The following MCC variants were observed in gnomAD, a reference collection of about 807,000 sequenced individuals.
The protein encoded by MCC is colorectal mutant cancer protein.
Under a neutral mutation model 116.2 loss-of-function variants are expected in MCC, and 90 were observed. That is an observed-to-expected ratio of 0.77 (90% CI 0.65 to 0.92). MCC has a LOEUF of 0.92. Among genes scored for constraint, MCC ranks in the 40% least tolerant of loss-of-function variants. The probability of loss-of-function intolerance (pLI) is 0.00; values close to 1 mark genes in which losing one functional copy is unlikely to be tolerated. For missense variants in MCC, 1,516 were observed against 1,312.2 expected (o/e 1.16, Z -2.40); for synonymous variants, 578 against 510.5 (o/e 1.13, Z -1.78).
At chr5:113,473,626 A>C (rs576991917) in intron 1 of MCC, among the ~76,000 whole-genome samples, 17 of 152,364 alleles carry the variant, frequency 1.1e-4, no homozygotes, top group African/African-American at 3.6e-4. Context: ...AATTATGAGT[A>C]GTTTTTAGGT....
intron 3 of MCC, among the ~76,000 whole-genome samples, chr5:113,314,923 T>A (rs1470892629): frequency 6.6e-6 from 1 of 152,220 alleles, no homozygotes; most frequent in African/African-American, 2.4e-5. Context: ...GGGAAGTCAG[T>A]TCAAAAGTCC....
intron 11 of MCC, among the ~76,000 whole-genome samples, chr5:113,072,308 T>C (rs971129242): frequency 6.6e-6 from 1 of 152,220 alleles, no homozygotes; most frequent in African/African-American, 2.4e-5. Flanking sequence ...GTAGAAGAAC[T>C]AAGATCACTG....
intron 2 of MCC, among the ~76,000 whole-genome samples, chr5:113,346,762 CCT>C (rs1768144365): frequency 6.6e-6 from 1 of 152,096 alleles, no homozygotes; most frequent in African/African-American, 2.4e-5. Context: ...AAGAAGACTA[CCT>C]CAAGGCATCT....
chr5:113,151,649 A>G (rs1321809495), intron 3 of MCC, among the ~76,000 whole-genome samples: 1 of 152,110 alleles, frequency 6.6e-6, no homozygotes, highest in African/African-American at 2.4e-5. Context: ...GGGACATGGG[A>G]CCTAATTTTG....
chr5:113,449,051 G>C (rs542908311), intron 1 of MCC, among the ~76,000 whole-genome samples: 1 of 152,318 alleles, frequency 6.6e-6, no homozygotes, highest in East Asian at 1.9e-4. Flanking sequence ...TGTCTGCCCA[G>C]TCTCTACTGG....
chr5:113,398,085 G>T (rs373418117), intron 1 of MCC, among the ~76,000 whole-genome samples: 1 of 152,324 alleles, frequency 6.6e-6, no homozygotes, highest in East Asian at 1.9e-4. Flanking sequence ...ATGAAAAAAT[G>T]CTCAACATCA....
intron 3 of MCC, among the ~76,000 whole-genome samples, chr5:113,175,915 T>G (rs1485088460): frequency 6.6e-6 from 1 of 152,054 alleles, no homozygotes; most frequent in Non-Finnish European, 1.5e-5. Flanking sequence ...GTTTGAAAAC[T>G]ACTGCCTTAA....
chr5:113,118,685 C>A (rs1757535443), intron 6 of MCC, among the ~76,000 whole-genome samples: 1 of 152,188 alleles, frequency 6.6e-6, no homozygotes, highest in Admixed American at 6.5e-5. Context: ...AATGAAATGG[C>A]TACTTTTAAA....
chr5:113,456,780 T>A (rs939587582), intron 1 of MCC, among the ~76,000 whole-genome samples: 1 of 132,362 alleles, frequency 7.6e-6, no homozygotes, highest in Non-Finnish European at 1.5e-5. Flanking sequence ...CAATGAGCAC[T>A]ACTTTTTTTT....
chr5:113,023,811 T>C lies in MCC; in HGVS notation c.*3491A>G, dbSNP rs568202171. 6.6e-6 allele frequency: 1 copy of C among 152,210 alleles called. No individual in the cohort carries two copies. Among genetic ancestry groups the C allele is most frequent in the Non-Finnish European group, 1.5e-5 (1 of 68,022 alleles). The allele number at this position is 152,210 out of a possible 1,614,324, so 9.4% of individuals were successfully genotyped here. ...CGAAACTCTTGAGAGCTATTAAGGT[T>C]GACTGATAGACTTAAAAAGTGATTG... is the stretch of plus-strand genomic sequence containing the variant. On this transcript the variant is annotated 3_prime_UTR_variant, in exon 19 of 19. Transcript: ENST00000408903.
intron 6 of MCC, among the ~76,000 whole-genome samples, chr5:113,120,567 C>G (rs1561371973): frequency 6.6e-6 from 1 of 152,150 alleles, no homozygotes; most frequent in Non-Finnish European, 1.5e-5. Flanking sequence ...GGTTTATTAC[C>G]TCATTCATTC....
In MCC at chr5:113,340,662, C is replaced by T. The variant is rs767648161; in HGVS notation, c.484G>A (p.Val162Met). 2 of 1,614,144 alleles carry T rather than the reference C, an allele frequency of 1.2e-6. No individual in the cohort carries two copies. The highest frequency in any genetic ancestry group is 1.7e-6 in the Non-Finnish European group (2 of 1,180,016). ...TTCTGGAGGGCTGACTGGCTCTGCACATCCGGGCTCTGGAGGTCCCTGGCA... is the reference window on the plus strand; with the variant it reads ...TTCTGGAGGGCTGACTGGCTCTGCATATCCGGGCTCTGGAGGTCCCTGGCA... ...SGARDLQSPD[V>M]QSQSALQKLL... The change falls in exon 3 of 19, where the codon GTG becomes ATG. Residue 162 changes from valine (V) to methionine (M), a missense_variant. Physicochemically the swap from Val to Met is conservative, Grantham distance 21. Transcript: ENST00000408903.
intron 3 of MCC, among the ~76,000 whole-genome samples, chr5:113,177,355 T>G (rs1236166902): frequency 6.6e-6 from 1 of 152,232 alleles, no homozygotes; most frequent in African/African-American, 2.4e-5. Flanking sequence ...GACTAGTTCC[T>G]CTAACATGGG....
intron 1 of MCC, among the ~76,000 whole-genome samples, chr5:113,411,415 G>A (rs533548564): frequency 6.6e-6 from 1 of 152,282 alleles, no homozygotes; most frequent in Non-Finnish European, 1.5e-5. Flanking sequence ...CTTTTGAGAA[G>A]TGTCTGTTCA....
At chr5:113,148,592 C>T (rs1258997981) in intron 4 of MCC, among the ~76,000 whole-genome samples, 1 of 152,232 alleles carries the variant, frequency 6.6e-6, no homozygotes, top group Non-Finnish European at 1.5e-5. Flanking sequence ...TGAATTTGCT[C>T]TTCTACAATC....
chr5:113,176,464 C>T (rs1294421329), intron 3 of MCC, among the ~76,000 whole-genome samples: 1 of 152,250 alleles, frequency 6.6e-6, no homozygotes, highest in Admixed American at 6.5e-5. Context: ...TATTGAAGCT[C>T]TAGCATGTTC....
intron 3 of MCC, among the ~76,000 whole-genome samples, chr5:113,315,656 C>A (rs953298710): frequency 2.0e-5 from 3 of 148,756 alleles, no homozygotes; most frequent in Non-Finnish European, 4.4e-5. Context: ...TTGCTTGAGC[C>A]CAGGAGTTCA....
Position 113,028,973 on chromosome 5 carries a change from T to G in MCC, c.2840A>C (p.Gln947Pro), listed in dbSNP as rs1440848829. The change falls in exon 18 of 19, where the codon CAA (glutamine) becomes CCA (proline). Residue 947 changes from glutamine (Q) to proline (P), a missense_variant. Coordinates refer to ENST00000408903, the MANE Select transcript of MCC (RefSeq NM_001085377.2). ...LTKSSEIRHQ[Q>P]SAEFVNDLKR... ...TAGATCATTCACGAACTCTGCAGAT[T>G]GCTGATGTCGGATTTCACTGCTCTT... The G allele has an allele frequency of 1.2e-6, 2 of 1,613,970 alleles. No individual in the cohort carries two copies.
At chr5:113,085,116 G>C (rs199918112) in intron 9 of MCC, 48 bp downstream of exon 9, 121 of 1,612,568 alleles carry the variant, frequency 7.5e-5, no homozygotes, top group Non-Finnish European at 1.0e-4. Context: ...GGTGCTTCCA[G>C]ATAACAGGAG....
Sources: gnomAD v4.1 joint callset for allele counts (sites outside exome capture counted in the v4.1 genomes callset) on GRCh38, gnomAD v4.1.1 for gene constraint, MANE v1.5 for transcripts, NCBI Gene and HGNC (gene_info 2026-07-23, HGNC 2026-07-21) for gene names.